Variants in ZNF469 observed in about 807,000 individuals in gnomAD.
ZNF469 encodes zinc finger protein 469.
ZNF469 carries 1 observed loss-of-function variant against 1.0 expected under a neutral mutation model. The observed-to-expected ratio is 1.00, with a 90% CI of 0.35 to 4.73. ZNF469 has a LOEUF of 4.73. Among genes scored for constraint, ZNF469 ranks in the 30% most tolerant of loss-of-function variants. ZNF469 has a pLI of 0.16. For synonymous variants in ZNF469, 2,703 were observed against 2,363.4 expected (o/e 1.14, Z -4.17); for missense variants, 6,100 against 5,356.3 (o/e 1.14, Z -4.33).
the ZNF469 span, among the ~76,000 whole-genome samples, chr16:88,160,219 G>A: frequency 6.6e-6 from 1 of 152,248 alleles, no homozygotes; most frequent in African/African-American, 2.4e-5. Flanking sequence ...GCTGTCGCTT[G>A]CCAATCTCCC....
At chr16:88,315,321 G>A in the ZNF469 span, among the ~76,000 whole-genome samples, 2 of 152,204 alleles carry the variant, frequency 1.3e-5, no homozygotes, top group Non-Finnish European at 1.5e-5. Context: ...GACCTAGAAA[G>A]CAGGGCCACC....
the ZNF469 span, among the ~76,000 whole-genome samples, chr16:88,221,244 C>G: frequency 2.0e-5 from 3 of 152,250 alleles, no homozygotes; most frequent in East Asian, 1.9e-4. Context: ...AGAATGTCAT[C>G]TCCTGCTAGC....
chr16:88,281,746 G>T, the ZNF469 span, among the ~76,000 whole-genome samples: 2 of 151,330 alleles, frequency 1.3e-5, no homozygotes, highest in Admixed American at 1.3e-4. Context: ...CTGACGCTTG[G>T]TCAGTACCAT....
the ZNF469 span, among the ~76,000 whole-genome samples, chr16:88,292,798 C>CAAA: frequency 7.3e-3 from 811 of 110,902 alleles, 18 homozygotes; most frequent in South Asian, 0.022. Context: ...CCTGTGTTAT[C>CAAA]AAAAAAAAAA....
rs1024785554 is a variant in ZNF469, at chr16:88,434,851, G to A, written c.7381G>A (p.Gly2461Ser). The A allele has an allele frequency of 1.4e-5, 21 of 1,550,348 alleles. No individual in the cohort carries two copies. The highest frequency in any genetic ancestry group is 3.9e-5 in the Admixed American group (2 of 51,012). ...YKKKPASTEN[G>S]QWKGQAPHGP... ...AAAGAAGCCTGCATCTACAGAGAAC[G>A]GCCAGTGGAAGGGCCAAGCTCCACA... The change falls in exon 3 of 3, where the codon GGC becomes AGC. Residue 2461 changes from glycine (G) to serine (S), a missense_variant. Transcript: ENST00000565624.
the ZNF469 span, among the ~76,000 whole-genome samples, chr16:88,150,702 G>T: frequency 4.5e-3 from 684 of 150,560 alleles, 6 homozygotes; most frequent in African/African-American, 0.016. Context: ...AGGACTGGGT[G>T]GGGCCGATTC....
the ZNF469 span, among the ~76,000 whole-genome samples, chr16:88,251,686 G>C: frequency 5.3e-5 from 8 of 151,072 alleles, no homozygotes; most frequent in African/African-American, 2.0e-4. Flanking sequence ...AGCCTTCTGA[G>C]TAGCTGGGAC....
chr16:88,206,139 G>C, the ZNF469 span, among the ~76,000 whole-genome samples: 1 of 152,188 alleles, frequency 6.6e-6, no homozygotes, highest in Admixed American at 6.5e-5. Context: ...GAGGCTTTAG[G>C]AAAAGCTGAG....
the ZNF469 span, among the ~76,000 whole-genome samples, chr16:88,331,509 CCAT>C: frequency 4.1e-5 from 6 of 147,714 alleles, no homozygotes; most frequent in African/African-American, 1.3e-4. Flanking sequence ...ATCACCACCA[CCAT>C]CATCCTCATC....
chr16:88,438,953 G>T lies in ZNF469; in HGVS notation c.11483G>T (p.Ser3828Ile). Reference sequence around the variant, plus strand: ...GGCCAGGTCCCAGGGCCAGCCAGGAGTGAAAGTGTGGGGAGCTTCGGGAGA... The same window carrying T: ...GGCCAGGTCCCAGGGCCAGCCAGGATTGAAAGTGTGGGGAGCTTCGGGAGA... Reference protein sequence around the residue: ...KKGQVPGPARSESVGSFGRAP... With the variant: ...KKGQVPGPARIESVGSFGRAP... The change falls in exon 3 of 3, where the codon AGT becomes ATT. Residue 3828 changes from serine to isoleucine, a missense_variant. Physicochemically the swap from Ser to Ile is moderately radical, Grantham distance 142. Transcript: ENST00000565624. 6 of 1,550,566 alleles carry T rather than the reference G, an allele frequency of 3.9e-6. No individual in the cohort carries two copies. Among genetic ancestry groups the T allele is most frequent in the Non-Finnish European group, 5.2e-6 (6 of 1,146,994 alleles).
chr16:88,240,389 G>A, the ZNF469 span, among the ~76,000 whole-genome samples: 3 of 152,214 alleles, frequency 2.0e-5, no homozygotes, highest in Non-Finnish European at 4.4e-5. Context: ...AGAGCATGGT[G>A]GGAGAGAGGC....
the ZNF469 span, among the ~76,000 whole-genome samples, chr16:88,198,752 G>C: frequency 1.3e-5 from 2 of 152,324 alleles, no homozygotes; most frequent in East Asian, 3.9e-4. Context: ...TGGTGGTTCT[G>C]TGGTCTTGGA....
the ZNF469 span, among the ~76,000 whole-genome samples, chr16:88,120,929 T>C: frequency 6.6e-6 from 1 of 152,134 alleles, no homozygotes; most frequent in Non-Finnish European, 1.5e-5. Flanking sequence ...TCCTCAGCCA[T>C]GCGGCGTTTC....
At chr16:88,351,252 C>A in the ZNF469 span, among the ~76,000 whole-genome samples, 2 of 152,230 alleles carry the variant, frequency 1.3e-5, no homozygotes, top group Non-Finnish European at 2.9e-5. Context: ...GTCCCGGGTG[C>A]CCAGCTGCGG....
chr16:88,338,881 G>A, the ZNF469 span, among the ~76,000 whole-genome samples: 2 of 152,186 alleles, frequency 1.3e-5, no homozygotes, highest in Non-Finnish European at 1.5e-5. Context: ...CAGGAGGAGC[G>A]TGGCCCTGCA....
rs943211932 is a variant in ZNF469, at chr16:88,435,128, C to T, written c.7658C>T (p.Pro2553Leu). The change falls in exon 3 of 3, where the codon CCG becomes CTG. Residue 2553 changes from proline to leucine, a missense_variant. Coordinates refer to ENST00000565624, the MANE Select transcript of ZNF469 (RefSeq NM_001367624.2). ...GACCCCAGCCACGTCACCCAGCCAC[C>T]GCCTGCCCAGGGCTCAAAGGAGGTT... is the stretch of plus-strand genomic sequence containing the variant. ...RGDPSHVTQP[P>L]PAQGSKEVLR... 11 of 1,550,262 alleles carry T rather than the reference C, an allele frequency of 7.1e-6. No homozygotes were observed. The highest frequency in any genetic ancestry group is 2.7e-5 in the African/African-American group (2 of 73,044).
At chr16:88,286,274 C>T in the ZNF469 span, among the ~76,000 whole-genome samples, 6 of 152,360 alleles carry the variant, frequency 3.9e-5, no homozygotes, top group East Asian at 1.9e-4. Flanking sequence ...TGGGCCTCAG[C>T]GGCAGCTAAC....
chr16:88,129,789 T>G, the ZNF469 span, among the ~76,000 whole-genome samples: 1 of 152,150 alleles, frequency 6.6e-6, no homozygotes, highest in Non-Finnish European at 1.5e-5. Context: ...TCAGTCCAGA[T>G]CAAGGCTGTA....
chr16:88,395,025 G>A (rs1904613921), intron 1 of ZNF469, among the ~76,000 whole-genome samples: 1 of 152,202 alleles, frequency 6.6e-6, no homozygotes, highest in Admixed American at 6.5e-5. Flanking sequence ...CCATGTCTTG[G>A]CCAGTACAGC....
Sources: allele counts gnomAD v4.1 joint callset (sites outside exome capture counted in the v4.1 genomes callset), GRCh38; gene constraint gnomAD v4.1.1; transcripts MANE v1.5; gene names NCBI Gene and HGNC (gene_info 2026-07-23, HGNC 2026-07-21).